ZNRF2: variants seen among roughly 807,000 people sequenced by gnomAD.
ZNRF2 encodes zinc and ring finger 2, also known as E3 ubiquitin-protein ligase ZNRF2.
ZNRF2 carries 16 observed loss-of-function variants against 20.4 expected under a neutral mutation model. That is an observed-to-expected ratio of 0.79 (90% CI 0.53 to 1.19). ZNRF2 has a LOEUF of 1.19. Ranked by LOEUF, ZNRF2 falls within the 50% of genes most tolerant of loss-of-function variation. The pLI, the probability that ZNRF2 is intolerant of heterozygous loss-of-function variation, is 0.00. For missense variants in ZNRF2, 363 were observed against 332.4 expected (o/e 1.09, Z -0.72); for synonymous variants, 178 against 144.9 (o/e 1.23, Z -1.64).
In ZNRF2 at chr7:30,285,653, C is replaced by A; in HGVS notation, c.296C>A (p.Ser99Tyr). Reference sequence around the variant, plus strand: ...GCGTCGGGGGCCCGCGCGGCGCAGTCCCCCTTCAGCATCCCGAACAGCAGC... The same window carrying A: ...GCGTCGGGGGCCCGCGCGGCGCAGTACCCCTTCAGCATCCCGAACAGCAGC... ...SVASGARAAQ[S>Y]PFSIPNSSSG... The change falls in exon 1 of 5, where the codon TCC becomes TAC. Residue 99 changes from serine (S) to tyrosine (Y), a missense_variant. Coordinates refer to ENST00000323037, the MANE Select transcript of ZNRF2 (RefSeq NM_147128.4). 1 of 1,373,730 alleles carries A rather than the reference C, an allele frequency of 7.3e-7. No homozygotes were observed. Among genetic ancestry groups the A allele is most frequent in the Non-Finnish European group, 9.4e-7 (1 of 1,066,104 alleles). The allele number at this position is 1,373,730 out of a possible 1,614,324, so 85.1% of individuals were successfully genotyped here. A position where few individuals can be genotyped will look rare whatever the true frequency, so the allele number is the denominator to read the frequency against.
In ZNRF2 at chr7:30,284,602, C is replaced by A. The variant is rs1168618884; in HGVS notation, c.-756C>A. ...GGGGTCAACGCGCGCGACCCAAACA[C>A]ACGGGCCGGGCGCACCCTGCAGCCG... On this transcript the variant is annotated 5_prime_UTR_variant, in exon 1 of 5. Transcript: ENST00000323037. 2 of 152,908 alleles carry A rather than the reference C, an allele frequency of 1.3e-5. No homozygotes were observed. Among genetic ancestry groups the A allele is most frequent in the Non-Finnish European group, 2.9e-5 (2 of 68,400 alleles). 9.5% of individuals were successfully genotyped at this position (152,908 alleles called of 1,614,324 possible).
intron 2 of ZNRF2, among the ~76,000 whole-genome samples, chr7:30,349,830 T>C (rs1799937246): frequency 6.6e-6 from 1 of 152,138 alleles, no homozygotes; most frequent in Admixed American, 6.6e-5. Context: ...TTGGTCTGTA[T>C]TCAATAGTTC....
At chr7:30,351,390 T>C (rs1419013461) in intron 2 of ZNRF2, among the ~76,000 whole-genome samples, 1 of 152,060 alleles carries the variant, frequency 6.6e-6, no homozygotes, top group African/African-American at 2.4e-5. Flanking sequence ...AAGATGTTTT[T>C]TCATCACCGT....
intron 1 of ZNRF2, among the ~76,000 whole-genome samples, chr7:30,323,006 T>A (rs779192062): frequency 5.9e-5 from 9 of 152,222 alleles, no homozygotes; most frequent in Non-Finnish European, 1.2e-4. Context: ...TAGCTAATTT[T>A]TAAGTGTCAA....
chr7:30,293,554 A>G (rs1798951518), intron 1 of ZNRF2, among the ~76,000 whole-genome samples: 1 of 152,106 alleles, frequency 6.6e-6, no homozygotes, highest in Admixed American at 6.6e-5. Context: ...GTTCTTAGAA[A>G]TTTATCAGCG....
chr7:30,320,076 T>C (rs947942839), intron 1 of ZNRF2, among the ~76,000 whole-genome samples: 2 of 152,198 alleles, frequency 1.3e-5, no homozygotes, highest in Admixed American at 6.5e-5. Flanking sequence ...ATTCTTTGTT[T>C]TGATTCATCT....
intron 4 of ZNRF2, among the ~76,000 whole-genome samples, chr7:30,365,147 CTTTTTTTTTTTTT>C (rs533354831): frequency 1.3e-4 from 9 of 70,328 alleles, no homozygotes; most frequent in African/African-American, 4.9e-4. Context: ...AGCTGATAAG[CTTTTTTTTTTTTT>C]TTTTTTTTTT....
Position 30,293,147 on chromosome 7 carries a change from A to C in ZNRF2, c.469+7321A>C, listed in dbSNP as rs866912121. Among the ~76,000 whole-genome samples the C allele has an allele frequency of 5.9e-5, 9 of 152,224 alleles. 1 individual carries two copies. Among genetic ancestry groups the C allele is most frequent in the Middle Eastern group, 3.4e-3 (1 of 294 alleles). ...AGGTATGAGAGAAAATGAAGAGTCA[A>C]GGATTTATTTCGTTGTTCCTTATGG... is the stretch of plus-strand genomic sequence containing the variant. On this transcript the variant is annotated intron_variant, in intron 1 of 4. Coordinates refer to ENST00000323037, the MANE Select transcript of ZNRF2 (RefSeq NM_147128.4).
intron 1 of ZNRF2, among the ~76,000 whole-genome samples, chr7:30,291,475 A>C (rs13311065): frequency 6.6e-6 from 1 of 152,212 alleles, no homozygotes; most frequent in African/African-American, 2.4e-5. Context: ...GATTCTTTTA[A>C]AATATAACTG....
intron 2 of ZNRF2, among the ~76,000 whole-genome samples, chr7:30,354,577 G>T: frequency 6.6e-6 from 1 of 152,104 alleles, no homozygotes; most frequent in Non-Finnish European, 1.5e-5. Context: ...TTGTTGGTTG[G>T]TTTTTATAGG....
intron 2 of ZNRF2, among the ~76,000 whole-genome samples, chr7:30,326,165 A>G (rs951276850): frequency 3.3e-5 from 5 of 152,100 alleles, no homozygotes; most frequent in African/African-American, 1.2e-4. Flanking sequence ...GTTGAGGGGT[A>G]CATGTGCAGG....
At chr7:30,317,734 A>C (rs1466986322) in intron 1 of ZNRF2, among the ~76,000 whole-genome samples, 1 of 152,214 alleles carries the variant, frequency 6.6e-6, no homozygotes, top group African/African-American at 2.4e-5. Context: ...GAGTTCTGGC[A>C]CTTTTGATGT....
intron 1 of ZNRF2, among the ~76,000 whole-genome samples, chr7:30,317,750 C>G (rs1474355449): frequency 6.6e-6 from 1 of 152,138 alleles, no homozygotes; most frequent in Non-Finnish European, 1.5e-5. Context: ...GATGTCTTTC[C>G]ACTTAGACCT....
At chr7:30,327,950 C>G (rs546416098) in intron 2 of ZNRF2, among the ~76,000 whole-genome samples, 28 of 152,214 alleles carry the variant, frequency 1.8e-4, no homozygotes, top group African/African-American at 6.5e-4. Context: ...AATACAGCTT[C>G]TTAATAAAAA....
rs1463619275 is a variant in ZNRF2 at position 30,360,836 on chromosome 7, C to T, written c.672-1541C>T. Among the ~76,000 whole-genome samples the T allele has an allele frequency of 1.3e-5, 2 of 152,106 alleles. 1 individual carries two copies. The highest frequency in any genetic ancestry group is 2.9e-5 in the Non-Finnish European group (2 of 68,034). On this transcript the variant is annotated intron_variant, in intron 3 of 4. Transcript: ENST00000323037. Reference sequence around the variant, plus strand: ...TAAAATTTTAAACATGGAAGCAGTACTATATGTTGTTTTAGAATATACACA... The same window carrying T: ...TAAAATTTTAAACATGGAAGCAGTATTATATGTTGTTTTAGAATATACACA...
chr7:30,322,312 G>T (rs1223519728), intron 1 of ZNRF2, among the ~76,000 whole-genome samples: 1 of 152,104 alleles, frequency 6.6e-6, no homozygotes, highest in Non-Finnish European at 1.5e-5. Flanking sequence ...TATAAAGTTC[G>T]GCATGAGGTA....
At chr7:30,338,336 A>G (rs1299215941) in intron 2 of ZNRF2, among the ~76,000 whole-genome samples, 2 of 151,216 alleles carry the variant, frequency 1.3e-5, no homozygotes, top group African/African-American at 4.9e-5. Flanking sequence ...GGTTTGTTAC[A>G]TAGGTATACA....
At chr7:30,316,210 C>T (rs1403142713) in intron 1 of ZNRF2, among the ~76,000 whole-genome samples, 1 of 138,018 alleles carries the variant, frequency 7.2e-6, no homozygotes, top group African/African-American at 2.8e-5. Context: ...ACTGCTTGAA[C>T]CTGGGAAGCG....
At chr7:30,316,288 CAAAAAAAAAAAAAAAAAAA>C (rs60218988) in intron 1 of ZNRF2, among the ~76,000 whole-genome samples, 13 of 27,472 alleles carry the variant, frequency 4.7e-4, no homozygotes, top group South Asian at 3.6e-3. Context: ...AACTCCATCT[CAAAAAAAAAAAAAAAAAAA>C]AAAAAAAAAA....
Sources: allele counts gnomAD v4.1 joint callset (sites outside exome capture counted in the v4.1 genomes callset), GRCh38; gene constraint gnomAD v4.1.1; transcripts MANE v1.5; gene names NCBI Gene and HGNC (gene_info 2026-07-23, HGNC 2026-07-21).